ERBB4: variants seen among roughly 807,000 people sequenced by gnomAD.
ERBB4 encodes erb-b2 receptor tyrosine kinase 4, also known as receptor tyrosine-protein kinase erbB-4.
In ERBB4, 42 loss-of-function variants were observed where a neutral mutation model predicts 158.0. The ratio of observed to expected loss-of-function variants is 0.27; its 90% CI spans 0.21 to 0.34. ERBB4 has a LOEUF of 0.34. ERBB4 is among the 10% of genes least tolerant of loss of function. ERBB4 has a pLI of 1.00. For synonymous variants in ERBB4, 583 were observed against 558.7 expected (o/e 1.04, Z -0.61); for missense variants, 1,333 against 1,624.1 (o/e 0.82, Z 3.08).
chr2:211,721,784 A>G (rs2106120056), intron 7 of ERBB4, among the ~76,000 whole-genome samples: 1 of 152,188 alleles, frequency 6.6e-6, no homozygotes. Context: ...GCTTGCTGCC[A>G]CTTAACTAAT....
intron 1 of ERBB4, among the ~76,000 whole-genome samples, chr2:212,316,209 T>G (rs755603922): frequency 1.3e-5 from 2 of 151,432 alleles, no homozygotes; most frequent in Non-Finnish European, 3.0e-5. Context: ...AACTACTTTT[T>G]GGATGATTTT....
chr2:211,779,965 G>A lies in ERBB4; in HGVS notation c.556+8060C>T, dbSNP rs372244277. On this transcript the variant is annotated intron_variant, in intron 4 of 27. Coordinates refer to ENST00000342788, the MANE Select transcript of ERBB4 (RefSeq NM_005235.3). ...AAATGCCACATCTCCTATTACAGAA[G>A]AAGTACTCACTTTCCATGACCACGC... Among the ~76,000 whole-genome samples the A allele has an allele frequency of 6.6e-5, 10 of 152,148 alleles. No homozygotes were observed. The East Asian group carries it at 1.4e-3, about 21-fold the overall frequency.
At chr2:212,350,120 T>C (rs966611729) in intron 1 of ERBB4, among the ~76,000 whole-genome samples, 6 of 152,166 alleles carry the variant, frequency 3.9e-5, no homozygotes, top group African/African-American at 1.4e-4. Context: ...TCCAAGTTAT[T>C]AGTTAGTGTA....
chr2:211,399,772 T>C (rs1237160943), intron 25 of ERBB4, among the ~76,000 whole-genome samples: 1 of 152,194 alleles, frequency 6.6e-6, no homozygotes. Flanking sequence ...AGGTATTTCC[T>C]ATTGCTTTGG....
At chr2:212,375,778 G>C (rs2090297673) in intron 1 of ERBB4, among the ~76,000 whole-genome samples, 1 of 152,030 alleles carries the variant, frequency 6.6e-6, no homozygotes, top group Admixed American at 6.6e-5. Context: ...TTTGAAAAGA[G>C]CCCCTATCAG....
At chr2:211,401,166 C>A (rs1349559911) in intron 25 of ERBB4, among the ~76,000 whole-genome samples, 1 of 151,904 alleles carries the variant, frequency 6.6e-6, no homozygotes, top group Non-Finnish European at 1.5e-5. Context: ...AGAGCCCTCA[C>A]CACTTAGCCA....
At chr2:211,995,093 G>A (rs1028948010) in intron 2 of ERBB4, among the ~76,000 whole-genome samples, 3 of 152,146 alleles carry the variant, frequency 2.0e-5, no homozygotes, top group East Asian at 1.9e-4. Context: ...CCAGAGTCAC[G>A]TCTCTTAGAC....
At chr2:211,958,673 T>C (rs2081094282) in intron 2 of ERBB4, among the ~76,000 whole-genome samples, 1 of 152,102 alleles carries the variant, frequency 6.6e-6, no homozygotes, top group South Asian at 2.1e-4. Flanking sequence ...CCCTTTGAAG[T>C]ATTTTTTCAA....
intron 1 of ERBB4, among the ~76,000 whole-genome samples, chr2:212,490,041 C>T (rs1276231721): frequency 6.6e-6 from 1 of 151,936 alleles, no homozygotes; most frequent in East Asian, 1.9e-4. Flanking sequence ...CTGTTTCTAG[C>T]CCCATCTCTT....
chr2:211,929,866 G>A (rs1447764843), intron 3 of ERBB4, among the ~76,000 whole-genome samples: 3 of 152,008 alleles, frequency 2.0e-5, no homozygotes, highest in African/African-American at 7.2e-5. Context: ...ATAAATATAT[G>A]TATATAGAGA....
chr2:212,170,841 G>C (rs571081443), intron 1 of ERBB4, among the ~76,000 whole-genome samples: 13 of 152,268 alleles, frequency 8.5e-5, no homozygotes, highest in South Asian at 4.1e-4. Context: ...GCAGAAGTTT[G>C]CTTCACAGGT....
intron 20 of ERBB4, among the ~76,000 whole-genome samples, chr2:211,460,463 A>G (rs2064501768): frequency 6.6e-6 from 1 of 152,190 alleles, no homozygotes; most frequent in Non-Finnish European, 1.5e-5. Flanking sequence ...GTGGGTTAAT[A>G]ACCATAATTA....
intron 3 of ERBB4, among the ~76,000 whole-genome samples, chr2:211,832,123 A>G (rs1023476543): frequency 2.6e-5 from 4 of 152,172 alleles, no homozygotes; most frequent in Admixed American, 2.6e-4. Flanking sequence ...AAATTCATAT[A>G]GCTACTGTAG....
At chr2:211,727,379 G>A (rs992336342) in intron 5 of ERBB4, among the ~76,000 whole-genome samples, 1 of 151,622 alleles carries the variant, frequency 6.6e-6, no homozygotes, top group Non-Finnish European at 1.5e-5. Context: ...CTAACCTATG[G>A]GTTTATTGAA....
chr2:212,214,459 G>A (rs971906973), intron 1 of ERBB4, among the ~76,000 whole-genome samples: 3 of 151,690 alleles, frequency 2.0e-5, no homozygotes, highest in Non-Finnish European at 4.4e-5. Flanking sequence ...ATACTTCATG[G>A]ACATCATTAG....
intron 2 of ERBB4, among the ~76,000 whole-genome samples, chr2:212,071,153 G>C (rs1008531817): frequency 2.6e-5 from 4 of 151,868 alleles, no homozygotes; most frequent in East Asian, 1.9e-4. Flanking sequence ...TTGGGAATCT[G>C]TAACTTTGAC....
intron 4 of ERBB4, among the ~76,000 whole-genome samples, chr2:211,786,473 GCA>G (rs967087505): frequency 6.6e-6 from 1 of 151,902 alleles, no homozygotes; most frequent in Non-Finnish European, 1.5e-5. Flanking sequence ...TATAATTTTT[GCA>G]CCTGCAATTA....
At chr2:211,763,569 T>C (rs549489344) in intron 4 of ERBB4, among the ~76,000 whole-genome samples, 1 of 152,036 alleles carries the variant, frequency 6.6e-6, no homozygotes, top group East Asian at 1.9e-4. Context: ...TTTTGAAAGG[T>C]CTTATAATAT....
At chr2:212,345,968 T>A (rs182451158) in intron 1 of ERBB4, among the ~76,000 whole-genome samples, 4,609 of 152,230 alleles carry the variant, frequency 0.03, 224 homozygotes, top group African/African-American at 0.11. Flanking sequence ...TATTATCTAT[T>A]AAGAAATTTA....
Sources: allele counts gnomAD v4.1 joint callset (sites outside exome capture counted in the v4.1 genomes callset), GRCh38; gene constraint gnomAD v4.1.1; transcripts MANE v1.5; gene names NCBI Gene and HGNC (gene_info 2026-07-23, HGNC 2026-07-21).